The following CADM2 variants were observed in gnomAD, a reference collection of about 807,000 sequenced individuals.
The protein encoded by CADM2 is cell adhesion molecule 2, also known as immunoglobulin superfamily member 4D.
CADM2 carries 12 observed loss-of-function variants against 49.8 expected under a neutral mutation model. The observed-to-expected ratio is 0.24, with a 90% CI of 0.15 to 0.39. The LOEUF (loss-of-function observed/expected upper bound fraction) is 0.39, where lower values mean the gene tolerates loss of function less well. CADM2 is among the 10% of genes least tolerant of loss of function. CADM2 has a pLI of 1.00. For synonymous variants in CADM2, 214 were observed against 175.4 expected, an observed-to-expected ratio of 1.22 and a Z score of -1.74; for missense variants, 378 against 492.3, an observed-to-expected ratio of 0.77 and a Z score of 2.20.
intron 8 of CADM2, among the ~76,000 whole-genome samples, chr3:86,043,036 A>G (rs1198475859): frequency 6.6e-6 from 1 of 152,192 alleles, no homozygotes; most frequent in Non-Finnish European, 1.5e-5. Context: ...ACAGCCCTTC[A>G]TGCTAAAAAC....
rs544937255 is a variant in CADM2 at position 85,206,355 on chromosome 3, T to G, written c.61+246687T>G. Among the ~76,000 whole-genome samples the G allele has an allele frequency of 4.0e-4, 60 of 150,354 alleles. 1 individual carries two copies. Among genetic ancestry groups the G allele is most frequent in the African/African-American group, 1.4e-3 (57 of 40,852 alleles). ...TGGAGTCTTGCTCTGTCACCCAGGC[T>G]GGAGTGCAGTGGCGCAATCTCGACT... On this transcript the variant is annotated intron_variant, in intron 1 of 9. Transcript: ENST00000383699.
intron 1 of CADM2, among the ~76,000 whole-genome samples, chr3:85,528,331 CTCACAT>C (rs79005802): frequency 0.39 from 47,693 of 120,926 alleles, 8,317 homozygotes; most frequent in East Asian, 0.67. Context: ...CTCACGCACA[CTCACAT>C]GCACACGTGC....
intron 1 of CADM2, among the ~76,000 whole-genome samples, chr3:85,122,207 T>C (rs1432957657): frequency 6.6e-6 from 1 of 152,128 alleles, no homozygotes; most frequent in Non-Finnish European, 1.5e-5. Flanking sequence ...CTAATTATAC[T>C]TACAATCACT....
chr3:85,023,682 C>T (rs917473629), intron 1 of CADM2, among the ~76,000 whole-genome samples: 2 of 152,146 alleles, frequency 1.3e-5, no homozygotes, highest in African/African-American at 4.8e-5. Flanking sequence ...TTGATGTGTA[C>T]ATTAATGTTT....
chr3:85,704,901 C>T (rs2066893559), intron 1 of CADM2, among the ~76,000 whole-genome samples: 1 of 150,312 alleles, frequency 6.7e-6, no homozygotes, highest in Non-Finnish European at 1.5e-5. Flanking sequence ...CTCTGTCGTC[C>T]AGGCTGGAGT....
In CADM2 at chr3:85,646,143, C is replaced by T. The variant is rs138130247; in HGVS notation, c.62-80379C>T. On this transcript the variant is annotated intron_variant, in intron 1 of 9. Transcript: ENST00000383699. The stretch of plus-strand genomic sequence containing the variant: ...TTCAATGTTAAACCTAAATACTTAT[C>T]CCTTTTAGTTTCCTCCTTTGGAATA... Among the ~76,000 whole-genome samples, 409 of 152,094 alleles carry T rather than the reference C, an allele frequency of 2.7e-3. 15 individuals carry two copies. In the East Asian group the frequency reaches 0.062, roughly 23 times the overall value.
intron 1 of CADM2, among the ~76,000 whole-genome samples, chr3:85,302,124 T>C (rs2044115803): frequency 6.6e-6 from 1 of 152,048 alleles, no homozygotes; most frequent in Non-Finnish European, 1.5e-5. Context: ...TACCACCAAA[T>C]GAATGGAATA....
At chr3:85,101,557 C>A (rs925938158) in intron 1 of CADM2, among the ~76,000 whole-genome samples, 3 of 152,094 alleles carry the variant, frequency 2.0e-5, no homozygotes, top group African/African-American at 7.2e-5. Context: ...GGTGCATTAT[C>A]CTACTAAAAT....
chr3:85,113,709 G>T (rs1340733701), intron 1 of CADM2, among the ~76,000 whole-genome samples: 2 of 145,768 alleles, frequency 1.4e-5, no homozygotes, highest in African/African-American at 5.1e-5. Context: ...TGTGCTATAG[G>T]CAATCCTACT....
intron 3 of CADM2, among the ~76,000 whole-genome samples, chr3:85,813,629 A>G (rs910700868): frequency 6.6e-6 from 1 of 152,114 alleles, no homozygotes; most frequent in Non-Finnish European, 1.5e-5. Context: ...TGTGTCCTGA[A>G]TGGTATTGTT....
chr3:85,635,788 A>C (rs138041507), intron 1 of CADM2, among the ~76,000 whole-genome samples: 1 of 152,180 alleles, frequency 6.6e-6, no homozygotes, highest in Non-Finnish European at 1.5e-5. Flanking sequence ...TGAGTTAAAA[A>C]TATATGTACA....
chr3:86,065,958 C>T (rs1241579270), intron 9 of CADM2, among the ~76,000 whole-genome samples: 2 of 151,978 alleles, frequency 1.3e-5, no homozygotes, highest in East Asian at 3.9e-4. Context: ...TAGAGTAAGC[C>T]ACTGGCTCAG....
intron 1 of CADM2, among the ~76,000 whole-genome samples, chr3:85,082,420 A>G (rs1047958598): frequency 6.6e-6 from 1 of 152,196 alleles, no homozygotes; most frequent in Non-Finnish European, 1.5e-5. Flanking sequence ...ACATGGACAT[A>G]ATGCGACTCT....
At chr3:85,415,123 T>G (rs1471977707) in intron 1 of CADM2, among the ~76,000 whole-genome samples, 5 of 152,164 alleles carry the variant, frequency 3.3e-5, no homozygotes, top group Non-Finnish European at 5.9e-5. Context: ...ACTATAATGC[T>G]TGTATTTAAC....
Position 85,295,637 on chromosome 3 carries a change from G to T in CADM2, c.61+335969G>T, listed in dbSNP as rs56096812. Among the ~76,000 whole-genome samples, 4 of 152,092 alleles carry T rather than the reference G, an allele frequency of 2.6e-5. 1 individual carries two copies. Among genetic ancestry groups the T allele is most frequent in the Non-Finnish European group, 5.9e-5 (4 of 68,032 alleles). Reference sequence around the variant, plus strand: ...TAAAAATGATGAGTTCATGTCCTTTGTAGGGACATGGATGAAATTGGAAAT... The same window carrying T: ...TAAAAATGATGAGTTCATGTCCTTTTTAGGGACATGGATGAAATTGGAAAT... On this transcript the variant is annotated intron_variant, in intron 1 of 9. Coordinates refer to ENST00000383699, the MANE Select transcript of CADM2 (RefSeq NM_001167675.2).
intron 1 of CADM2, among the ~76,000 whole-genome samples, chr3:85,004,857 C>T (rs991748778): frequency 1.2e-4 from 18 of 152,034 alleles, no homozygotes; most frequent in Non-Finnish European, 2.4e-4. Context: ...TCCATTTTGT[C>T]TTTTCAAAAG....
At chr3:85,180,765 TGA>T (rs957311935) in intron 1 of CADM2, among the ~76,000 whole-genome samples, 2 of 152,138 alleles carry the variant, frequency 1.3e-5, no homozygotes, top group Non-Finnish European at 2.9e-5. Context: ...AAGTAAAGAA[TGA>T]GAATATAATT....
At chr3:85,519,499 C>T (rs897150673) in intron 1 of CADM2, among the ~76,000 whole-genome samples, 1 of 151,798 alleles carries the variant, frequency 6.6e-6, no homozygotes, top group African/African-American at 2.4e-5. Flanking sequence ...GGTTTAGTTT[C>T]TTTTGTTTAT....
chr3:85,422,152 A>G (rs778413490), intron 1 of CADM2, among the ~76,000 whole-genome samples: 1 of 143,824 alleles, frequency 7.0e-6, no homozygotes, highest in Non-Finnish European at 1.5e-5. Context: ...ATAAATATAC[A>G]TGAACCACAT....
Sources: gnomAD v4.1 joint callset for allele counts (sites outside exome capture counted in the v4.1 genomes callset) on GRCh38, gnomAD v4.1.1 for gene constraint, MANE v1.5 for transcripts, NCBI Gene and HGNC (gene_info 2026-07-23, HGNC 2026-07-21) for gene names.